The following TTC31 variants were observed in gnomAD, a reference collection of about 807,000 sequenced individuals.
TTC31 encodes the protein tetratricopeptide repeat domain 31.
TTC31 carries 59 observed loss-of-function variants against 60.4 expected under a neutral mutation model. That is an observed-to-expected ratio of 0.98 (90% CI 0.79 to 1.21). The LOEUF (loss-of-function observed/expected upper bound fraction) is 1.21, where lower values mean the gene tolerates loss of function less well. TTC31 is among the 50% of genes most tolerant of loss of function. TTC31 has a pLI of 0.00. For missense variants in TTC31, 672 were observed against 646.9 expected (o/e 1.04, Z -0.42); for synonymous variants, 225 against 249.6 (o/e 0.90, Z 0.93).
chr2:74,486,238 C>G (rs1179406326), intron 2 of TTC31, among the ~76,000 whole-genome samples: 1 of 151,868 alleles, frequency 6.6e-6, no homozygotes, highest in Non-Finnish European at 1.5e-5. Context: ...TGCATTCCAG[C>G]CTGGAGACAG....
chr2:74,493,293 C>G lies in TTC31; in HGVS notation c.*75C>G. 6.8e-7 allele frequency: 1 copy of G among 1,461,958 alleles called. No individual in the cohort carries two copies. The highest frequency in any genetic ancestry group is 9.4e-7 in the Non-Finnish European group (1 of 1,069,010). The allele number at this position is 1,461,958 out of a possible 1,614,324, so 90.6% of individuals were successfully genotyped here. ...GGGGACATAGTGTGGTGACAGTTCA[C>G]TGCATATTTTGAGACCTTATTCTCT... On this transcript the variant is annotated 3_prime_UTR_variant, in exon 13 of 13. Coordinates refer to ENST00000233623, the MANE Select transcript of TTC31 (RefSeq NM_022492.6).
Position 74,483,142 on chromosome 2 carries a change from G to T in TTC31, c.40+7G>T, listed in dbSNP as rs751145498. The T allele has an allele frequency of 1.9e-6, 3 of 1,614,200 alleles. No individual in the cohort carries two copies. The highest frequency in any genetic ancestry group is 2.5e-6 in the Non-Finnish European group (3 of 1,180,040). On this transcript the variant is annotated splice_region_variant and intron_variant, in intron 1 of 12. Transcript: ENST00000233623. ...GTGGGGCGGATCAAGCTAGGTGAGCGGTATGACAAGACCAGTGGGGGTCTA... is the reference window on the plus strand; with the variant it reads ...GTGGGGCGGATCAAGCTAGGTGAGCTGTATGACAAGACCAGTGGGGGTCTA...
In TTC31 at chr2:74,492,114, C is replaced by A. The variant is rs749326198; in HGVS notation, c.929-25C>A. ...CCTCCCTGGGGTAGCCCCATCTGAA[C>A]CTTCTCACCCTCTTTCCTTTCCAGA... On this transcript the variant is annotated intron_variant, in intron 9 of 12. Coordinates refer to ENST00000233623, the MANE Select transcript of TTC31 (RefSeq NM_022492.6). The A allele has an allele frequency of 1.7e-5, 27 of 1,614,048 alleles. No individual in the cohort carries two copies. In the Admixed American group the frequency reaches 4.2e-4, roughly 25 times the overall value.
At chr2:74,492,861 G>A in intron 12 of TTC31, 61 bp from the exon 13 acceptor site, 1 of 1,581,304 alleles carries the variant, frequency 6.3e-7, no homozygotes, top group South Asian at 1.1e-5. Flanking sequence ...TGGGTGGAAT[G>A]AGAGGCATGG....
chr2:74,491,242 AAGC>A, intron 6 of TTC31, 50 bp from the exon 7 acceptor site: 1 of 1,614,110 alleles, frequency 6.2e-7, no homozygotes, highest in South Asian at 1.1e-5. Flanking sequence ...AGGGCCAAGA[AAGC>A]AGGCAGCTCA....
At position 74,490,327 on chromosome 2, in the gene TTC31, T is replaced by TA; in HGVS notation, c.317dup (p.Tyr106Ter). ...CAAGGGGGCTGAGGGACTGGGCACCTACTGTGGTCTCCGCAAGTCCTTCCT... is the reference window on the plus strand; with the variant it reads ...CAAGGGGGCTGAGGGACTGGGCACCTAACTGTGGTCTCCGCAAGTCCTTCCT... ...RGKGAEGLGT[Y>*]CGLRKSFLYP... Residue 106 changes from tyrosine (Y) to a stop codon, truncating the protein, a stop_gained and frameshift_variant, in exon 4 of 13, where the codon TAC becomes TAAC. Coordinates refer to ENST00000233623, the MANE Select transcript of TTC31 (RefSeq NM_022492.6). LOFTEE classifies it high-confidence loss of function. 6.2e-7 allele frequency: 1 copy of TA among 1,614,044 alleles called. No individual in the cohort carries two copies. The highest frequency in any genetic ancestry group is 8.5e-7 in the Non-Finnish European group (1 of 1,179,986).
In TTC31 at chr2:74,493,180, C is replaced by A. The variant is rs1475960930; in HGVS notation, c.1522C>A (p.Leu508Met). 1 of 1,614,082 alleles carries A rather than the reference C, an allele frequency of 6.2e-7. No individual in the cohort carries two copies. The highest frequency in any genetic ancestry group is 1.7e-5 in the Admixed American group (1 of 60,008). ...PQDPSKGWDILGLGLQHLSQA... is the reference protein window; with the variant it reads ...PQDPSKGWDIMGLGLQHLSQA... ...GGACCCTTCAAAGGGCTGGGACATC[C>A]TGGGACTTGGGCTCCAGCATCTGTC... Residue 508 changes from leucine (L) to methionine (M), a missense_variant, in exon 13 of 13, where the codon CTG becomes ATG. By Grantham distance (15) the Leu-to-Met change is conservative. Transcript: ENST00000233623.
rs954954527 is a variant in TTC31 at position 74,483,527 on chromosome 2, G to T, written c.129+117G>T. The T allele has an allele frequency of 5.8e-6, 9 of 1,559,178 alleles. No individual in the cohort carries two copies. In the Admixed American group the frequency reaches 7.6e-5, roughly 13 times the overall value. On this transcript the variant is annotated intron_variant, in intron 2 of 12. Transcript: ENST00000233623. ...CAGACGGGGCTCTGGAGGCTTTGGGGAGTTGTAGTCTCCGGCCATGCCCTT... is the reference window on the plus strand; with the variant it reads ...CAGACGGGGCTCTGGAGGCTTTGGGTAGTTGTAGTCTCCGGCCATGCCCTT...
chr2:74,490,637 C>T lies in TTC31; in HGVS notation c.463-19C>T. 2 of 1,612,466 alleles carry T rather than the reference C, an allele frequency of 1.2e-6. No homozygotes were observed. Among genetic ancestry groups the T allele is most frequent in the Non-Finnish European group, 8.5e-7 (1 of 1,179,264 alleles). ...TCCCTGTTTCTCTCTTTTTCTGTCA[C>T]CTGCCCTTCGTCCTTCAGGAAGCCA... On this transcript the variant is annotated intron_variant, in intron 4 of 12. Coordinates refer to ENST00000233623, the MANE Select transcript of TTC31 (RefSeq NM_022492.6).
intron 2 of TTC31, among the ~76,000 whole-genome samples, chr2:74,488,337 T>A (rs1673384058): frequency 6.6e-6 from 1 of 151,674 alleles, no homozygotes; most frequent in African/African-American, 2.4e-5. Context: ...TGCCTACAGA[T>A]TTTTTTTTAG....
intron 5 of TTC31, 126 bp from the exon 6 acceptor site, chr2:74,491,002 C>T (rs1673799807): frequency 1.5e-6 from 2 of 1,345,084 alleles, no homozygotes; most frequent in East Asian, 2.4e-5. Flanking sequence ...GCTTTTTCAC[C>T]TGCAAAATGA....
chr2:74,484,005 G>A (rs535414190), intron 2 of TTC31, among the ~76,000 whole-genome samples: 1 of 150,608 alleles, frequency 6.6e-6, no homozygotes, highest in Non-Finnish European at 1.5e-5. Flanking sequence ...GGAGGCCTAG[G>A]GGGGCGGATC....
At chr2:74,492,837 G>A (rs775317699) in intron 12 of TTC31, 85 bp from the exon 13 acceptor site, 2 of 1,587,160 alleles carry the variant, frequency 1.3e-6, no homozygotes, top group Non-Finnish European at 1.7e-6. Context: ...GGCTAAGGAG[G>A]GGGCGGGGAA....
At chr2:74,492,556 T>C (rs910230772) in intron 11 of TTC31, 90 bp from the exon 12 acceptor site, 3 of 1,557,504 alleles carry the variant, frequency 1.9e-6, no homozygotes, top group Non-Finnish European at 2.6e-6. Flanking sequence ...ACAATGGTTG[T>C]GGTACTAGGA....
rs1674188355 is a variant in TTC31 at position 74,493,646 on chromosome 2, T to C, written c.*428T>C. 1 of 163,668 alleles carries C rather than the reference T, an allele frequency of 6.1e-6. No individual in the cohort carries two copies. The highest frequency in any genetic ancestry group is 2.4e-5 in the African/African-American group (1 of 41,664). The allele number at this position is 163,668 out of a possible 1,614,324, so 10.1% of individuals were successfully genotyped here. On this transcript the variant is annotated 3_prime_UTR_variant, in exon 13 of 13. Transcript: ENST00000233623. ...GAGTCCCACCTTTCAGCTTGATGGA[T>C]GCTCACCTCTTCTCAGCCCCAGCTC...
intron 5 of TTC31, 81 bp from the exon 6 acceptor site, chr2:74,491,047 A>C (rs1012361906): frequency 3.1e-5 from 49 of 1,572,648 alleles, no homozygotes; most frequent in Non-Finnish European, 4.2e-5. Flanking sequence ...AGAGCTGCAA[A>C]GATGGAATGC....
chr2:74,491,801 C>A, intron 8 of TTC31, 129 bp downstream of exon 8: 1 of 1,396,396 alleles, frequency 7.2e-7, no homozygotes, highest in South Asian at 1.3e-5. Flanking sequence ...GTCAAGAGAC[C>A]TACAGTCAGG....
At chr2:74,491,223 A>G (rs1330831637) in intron 6 of TTC31, 39 bp downstream of exon 6, 1 of 1,614,154 alleles carries the variant, frequency 6.2e-7, no homozygotes, top group Admixed American at 1.7e-5. Flanking sequence ...ACCAAGTGCC[A>G]GGAAGGTGAG....
At chr2:74,487,522 AT>A (rs1558581226) in intron 2 of TTC31, among the ~76,000 whole-genome samples, 1 of 151,214 alleles carries the variant, frequency 6.6e-6, no homozygotes, top group Admixed American at 6.6e-5. Context: ...CCGGCTTTTT[AT>A]TTTTTTAAAT....
Sources: gnomAD v4.1 joint callset for allele counts (sites outside exome capture counted in the v4.1 genomes callset) on GRCh38, gnomAD v4.1.1 for gene constraint, MANE v1.5 for transcripts, NCBI Gene and HGNC (gene_info 2026-07-23, HGNC 2026-07-21) for gene names.